The following CTNNBIP1 variants were observed in gnomAD, a reference collection of about 807,000 sequenced individuals.
CTNNBIP1 encodes catenin beta interacting protein 1.
CTNNBIP1 carries 7 observed loss-of-function variants against 11.8 expected under a neutral mutation model. The observed-to-expected ratio is 0.60, with a 90% CI of 0.34 to 1.12. The LOEUF (loss-of-function observed/expected upper bound fraction) is 1.12, where lower values mean the gene tolerates loss of function less well. Among genes scored for constraint, CTNNBIP1 ranks in the 50% most tolerant of loss-of-function variants. CTNNBIP1 has a pLI of 0.03. For missense variants in CTNNBIP1, 101 were observed against 113.4 expected (o/e 0.89, Z 0.50); for synonymous variants, 58 against 43.9 (o/e 1.32, Z -1.26).
At chr1:9,890,153 T>C (rs1295688553) in intron 1 of CTNNBIP1, among the ~76,000 whole-genome samples, 2 of 152,328 alleles carry the variant, frequency 1.3e-5, no homozygotes, top group South Asian at 2.1e-4. Context: ...TCTCCAGTCC[T>C]GAATTGAGTG....
intron 2 of CTNNBIP1, among the ~76,000 whole-genome samples, chr1:9,879,827 T>C (rs888623388): frequency 1.3e-5 from 2 of 152,204 alleles, no homozygotes; most frequent in Admixed American, 6.5e-5. Flanking sequence ...AGGGGAACAC[T>C]GTATTCCTGA....
intron 2 of CTNNBIP1, among the ~76,000 whole-genome samples, chr1:9,878,974 G>A (rs1480105329): frequency 6.6e-6 from 1 of 152,140 alleles, no homozygotes; most frequent in Non-Finnish European, 1.5e-5. Context: ...GAGACAGGTG[G>A]ATCACAAGGT....
At chr1:9,868,463 ATTC>A (rs376549705) in intron 5 of CTNNBIP1, among the ~76,000 whole-genome samples, 1 of 152,322 alleles carries the variant, frequency 6.6e-6, no homozygotes, top group African/African-American at 2.4e-5. Context: ...GCTCATTTTT[ATTC>A]TTAACTGTGG....
intron 1 of CTNNBIP1, among the ~76,000 whole-genome samples, chr1:9,890,877 T>C (rs1365290136): frequency 6.6e-6 from 1 of 152,162 alleles, no homozygotes; most frequent in African/African-American, 2.4e-5. Context: ...TTAATTTGCA[T>C]TTCTGTCAGG....
At chr1:9,870,741 C>T (rs1233195827) in intron 5 of CTNNBIP1, among the ~76,000 whole-genome samples, 1 of 152,148 alleles carries the variant, frequency 6.6e-6, no homozygotes, top group East Asian at 1.9e-4. Flanking sequence ...CAGCCAGGAC[C>T]ACACCAGCCA....
intron 3 of CTNNBIP1, among the ~76,000 whole-genome samples, chr1:9,874,755 T>C (rs1488535093): frequency 6.6e-6 from 1 of 152,230 alleles, no homozygotes; most frequent in Admixed American, 6.5e-5. Flanking sequence ...TCTCCCACTC[T>C]GCAATATCCA....
intron 5 of CTNNBIP1, among the ~76,000 whole-genome samples, chr1:9,863,432 A>G (rs1473749728): frequency 2.0e-5 from 3 of 152,198 alleles, no homozygotes; most frequent in Non-Finnish European, 4.4e-5. Context: ...CCTCTGAGAG[A>G]AGCCTCCAAG....
rs573632560 is a variant in CTNNBIP1, at chr1:9,873,018, C to T, written c.-24-930G>A. The stretch of plus-strand genomic sequence containing the variant: ...TGGCAGGCCAAGAACACTCCTCACA[C>T]CATCCATCCCTCCAGGACCAGCAAA... On this transcript the variant is annotated intron_variant, in intron 3 of 5. Coordinates refer to ENST00000377263, the MANE Select transcript of CTNNBIP1 (RefSeq NM_020248.3). 1.5e-3 allele frequency among the ~76,000 whole-genome samples: 233 copies of T among 152,238 alleles called. 1 individual carries two copies. The highest frequency in any genetic ancestry group is 2.8e-3 in the Non-Finnish European group (188 of 68,000).
At chr1:9,875,660 G>T (rs757949813) in intron 3 of CTNNBIP1, among the ~76,000 whole-genome samples, 7 of 152,200 alleles carry the variant, frequency 4.6e-5, no homozygotes, top group Non-Finnish European at 8.8e-5. Flanking sequence ...GAAGACCCTT[G>T]ACTTGTCTTT....
chr1:9,889,893 T>C (rs1639265324), intron 1 of CTNNBIP1, among the ~76,000 whole-genome samples: 1 of 152,248 alleles, frequency 6.6e-6, no homozygotes. Context: ...TGTAAGGCTC[T>C]GTGCTGAAGA....
intron 5 of CTNNBIP1, among the ~76,000 whole-genome samples, chr1:9,868,864 G>A (rs534424083): frequency 6.6e-6 from 1 of 152,278 alleles, no homozygotes; most frequent in African/African-American, 2.4e-5. Context: ...TTGAACTCCT[G>A]GCCTCAGGTG....
At chr1:9,865,093 G>A (rs1458749216) in intron 5 of CTNNBIP1, among the ~76,000 whole-genome samples, 1 of 152,042 alleles carries the variant, frequency 6.6e-6, no homozygotes, top group Non-Finnish European at 1.5e-5. Flanking sequence ...GCTGGGCATG[G>A]TGACATGCAC....
In CTNNBIP1 at chr1:9,883,417, C is replaced by A. The variant is rs957858175; in HGVS notation, c.-110+288G>T. The stretch of plus-strand genomic sequence containing the variant: ...TTTCTATGAAGGAGGCAGAGCAGGG[C>A]AGGGGAGAGGTCCACCTGCCCCATC... On this transcript the variant is annotated intron_variant, in intron 2 of 5. Transcript: ENST00000377263. The surrounding 1 kb of genome is among the most constrained non-coding windows in gnomAD (Gnocchi z 5.6). Among the ~76,000 whole-genome samples, 2 of 152,116 alleles carry A rather than the reference C, an allele frequency of 1.3e-5. No homozygotes were observed. The highest frequency in any genetic ancestry group is 2.9e-5 in the Non-Finnish European group (2 of 68,016).
chr1:9,898,341 T>C (rs1294515474), intron 1 of CTNNBIP1, among the ~76,000 whole-genome samples: 1 of 151,664 alleles, frequency 6.6e-6, no homozygotes, highest in African/African-American at 2.4e-5. Context: ...CTGGCCAACG[T>C]GGTGAAACCC....
chr1:9,870,518 T>G (rs1257648999), intron 5 of CTNNBIP1, among the ~76,000 whole-genome samples: 1 of 152,220 alleles, frequency 6.6e-6, no homozygotes, highest in Non-Finnish European at 1.5e-5. Context: ...AGTGGCTTAC[T>G]GTTCCCAAAT....
rs926141164 is a variant in CTNNBIP1, at chr1:9,867,323, C to T, written c.187+3864G>A. Among the ~76,000 whole-genome samples the T allele has an allele frequency of 6.6e-6, 1 of 152,216 alleles. No individual in the cohort carries two copies. Among genetic ancestry groups the T allele is most frequent in the Non-Finnish European group, 1.5e-5 (1 of 68,034 alleles). On this transcript the variant is annotated intron_variant, in intron 5 of 5. Coordinates refer to ENST00000377263, the MANE Select transcript of CTNNBIP1 (RefSeq NM_020248.3). This position sits in a 1 kb window ranked among gnomAD's most constrained non-coding sequence, Gnocchi z 4.6. ...AGCCCGTAAGGGGAGGCCCCCACCC[C>T]AGGGTCTCCAGCACCTGCCTGGCTC...
intron 3 of CTNNBIP1, among the ~76,000 whole-genome samples, chr1:9,875,517 C>T (rs552750542): frequency 6.6e-6 from 1 of 152,252 alleles, no homozygotes; most frequent in Non-Finnish European, 1.5e-5. Context: ...CCCGGGGACA[C>T]CTCACACTGG....
intron 1 of CTNNBIP1, among the ~76,000 whole-genome samples, chr1:9,893,978 G>A (rs896619312): frequency 6.6e-6 from 1 of 152,224 alleles, no homozygotes; most frequent in East Asian, 1.9e-4. Flanking sequence ...AGAAATCCAG[G>A]ACAATAACCC....
intron 1 of CTNNBIP1, among the ~76,000 whole-genome samples, chr1:9,888,739 G>A (rs1639237546): frequency 6.6e-6 from 1 of 152,134 alleles, no homozygotes; most frequent in Non-Finnish European, 1.5e-5. Context: ...CAGGTCTGCT[G>A]CCGTGGGAGT....
Sources: gnomAD v4.1 joint callset for allele counts (sites outside exome capture counted in the v4.1 genomes callset) on GRCh38, gnomAD v4.1.1 for gene constraint, Gnocchi (gnomAD v3.1) non-coding constraint, MANE v1.5 for transcripts, NCBI Gene and HGNC (gene_info 2026-07-23, HGNC 2026-07-21) for gene names.